The following ZNF804B variants were observed in gnomAD, a reference collection of about 807,000 sequenced individuals.
ZNF804B encodes zinc finger protein 804B, also known as zinc finger 804B.
In ZNF804B, 80 loss-of-function variants were observed where a neutral mutation model predicts 101.4. That is an observed-to-expected ratio of 0.79 (90% CI 0.66 to 0.95). The LOEUF is 0.95. Ranked by LOEUF, ZNF804B falls within the 40% of genes least tolerant of loss-of-function variation. ZNF804B has a pLI of 0.00. For synonymous variants in ZNF804B, 622 were observed against 558.8 expected (o/e 1.11, Z -1.59); for missense variants, 1,673 against 1,561.9 (o/e 1.07, Z -1.20).
intron 1 of ZNF804B, among the ~76,000 whole-genome samples, chr7:89,212,794 A>G (rs1285585051): frequency 1.3e-5 from 2 of 152,130 alleles, no homozygotes; most frequent in African/African-American, 2.4e-5. Flanking sequence ...TAACTTTTCA[A>G]ACCTTCTCCT....
intron 2 of ZNF804B, among the ~76,000 whole-genome samples, chr7:89,277,497 C>G (rs1584099581): frequency 1.5e-5 from 1 of 67,320 alleles, no homozygotes; most frequent in Non-Finnish European, 3.2e-5. Context: ...CCCCCCTCCC[C>G]CCTACCCCCA....
chr7:88,760,695 CT>C (rs1586891477), intron 1 of ZNF804B, among the ~76,000 whole-genome samples: 1 of 151,620 alleles, frequency 6.6e-6, no homozygotes, highest in Non-Finnish European at 1.5e-5. Context: ...AACGTGATTG[CT>C]TTTTAACTTA....
intron 1 of ZNF804B, among the ~76,000 whole-genome samples, chr7:88,895,238 A>G (rs1197026654): frequency 6.6e-6 from 1 of 152,230 alleles, no homozygotes; most frequent in African/African-American, 2.4e-5. Flanking sequence ...TTATGAAATC[A>G]CTATACTTGT....
intron 2 of ZNF804B, among the ~76,000 whole-genome samples, chr7:89,290,146 C>G (rs567111612): frequency 3.4e-4 from 51 of 152,184 alleles, no homozygotes; most frequent in African/African-American, 1.2e-3. Flanking sequence ...AAGGGAGGAA[C>G]CAGTTTCAGG....
At chr7:88,953,272 C>A (rs1333946382) in intron 1 of ZNF804B, among the ~76,000 whole-genome samples, 1 of 151,688 alleles carries the variant, frequency 6.6e-6, no homozygotes, top group Non-Finnish European at 1.5e-5. Flanking sequence ...TGAAACATGT[C>A]AAACTCATTC....
chr7:88,945,639 A>G (rs1793117662), intron 1 of ZNF804B, among the ~76,000 whole-genome samples: 2 of 151,402 alleles, frequency 1.3e-5, no homozygotes, highest in South Asian at 2.1e-4. Flanking sequence ...AGTCAATGGT[A>G]GCTTGATGGG....
At chr7:88,963,486 C>A (rs1793416422) in intron 1 of ZNF804B, among the ~76,000 whole-genome samples, 1 of 151,266 alleles carries the variant, frequency 6.6e-6, no homozygotes, top group Non-Finnish European at 1.5e-5. Flanking sequence ...GAAGTTGAAT[C>A]CTTTACCTTA....
chr7:88,943,071 A>G (rs571800408), intron 1 of ZNF804B, among the ~76,000 whole-genome samples: 68 of 152,046 alleles, frequency 4.5e-4, no homozygotes, highest in Admixed American at 1.8e-3. Context: ...AACCACAATC[A>G]GAAAACCCCT....
At chr7:88,792,991 A>C (rs928159323) in intron 1 of ZNF804B, among the ~76,000 whole-genome samples, 7 of 151,996 alleles carry the variant, frequency 4.6e-5, no homozygotes, top group Non-Finnish European at 8.8e-5. Flanking sequence ...ATTTTCTTCA[A>C]ATGAAAAATT....
At chr7:89,082,582 A>T (rs939559707) in intron 1 of ZNF804B, among the ~76,000 whole-genome samples, 3 of 151,808 alleles carry the variant, frequency 2.0e-5, no homozygotes, top group Non-Finnish European at 4.4e-5. Flanking sequence ...TAATAAAACT[A>T]GTAACTCTTC....
intron 1 of ZNF804B, among the ~76,000 whole-genome samples, chr7:89,149,119 T>C (rs1790833333): frequency 6.6e-6 from 1 of 152,138 alleles, no homozygotes; most frequent in African/African-American, 2.4e-5. Flanking sequence ...CCCCATGGCA[T>C]GAACCTTTCA....
chr7:88,972,942 T>C (rs1196587973), intron 1 of ZNF804B, among the ~76,000 whole-genome samples: 1 of 151,478 alleles, frequency 6.6e-6, no homozygotes, highest in Non-Finnish European at 1.5e-5. Context: ...TAGTATGGGA[T>C]TCTGCCCTCT....
intron 1 of ZNF804B, among the ~76,000 whole-genome samples, chr7:89,183,482 A>C (rs1392230858): frequency 6.6e-6 from 1 of 152,186 alleles, no homozygotes; most frequent in African/African-American, 2.4e-5. Context: ...GATATTAAAA[A>C]GTCTGCAAAA....
At chr7:89,084,806 A>G (rs1191121792) in intron 1 of ZNF804B, among the ~76,000 whole-genome samples, 4 of 151,956 alleles carry the variant, frequency 2.6e-5, no homozygotes, top group African/African-American at 9.7e-5. Flanking sequence ...AATAATTACT[A>G]TTTATATGAT....
chr7:89,030,988 A>C (rs1788822824), intron 1 of ZNF804B, among the ~76,000 whole-genome samples: 1 of 151,820 alleles, frequency 6.6e-6, no homozygotes, highest in African/African-American at 2.4e-5. Context: ...GTTTTCCCTT[A>C]AAAACCCTGC....
chr7:88,769,294 T>A (rs1354633391), intron 1 of ZNF804B, among the ~76,000 whole-genome samples: 2 of 152,236 alleles, frequency 1.3e-5, no homozygotes, highest in Non-Finnish European at 2.9e-5. Flanking sequence ...AGTTATAATT[T>A]TTTAGAATGC....
intron 1 of ZNF804B, among the ~76,000 whole-genome samples, chr7:89,173,587 A>G (rs1195819218): frequency 4.6e-5 from 7 of 152,098 alleles, no homozygotes; most frequent in Non-Finnish European, 7.4e-5. Flanking sequence ...CTAAAATAGA[A>G]TACTGTATCA....
At chr7:89,007,444 T>TTTTA (rs1366131512) in intron 1 of ZNF804B, among the ~76,000 whole-genome samples, 1 of 47,712 alleles carries the variant, frequency 2.1e-5, no homozygotes, top group African/African-American at 1.0e-4. Flanking sequence ...TTATCCATGA[T>TTTTA]TTTATATATA....
chr7:89,135,536 A>G (rs1469845163), intron 1 of ZNF804B, among the ~76,000 whole-genome samples: 1 of 152,062 alleles, frequency 6.6e-6, no homozygotes, highest in Non-Finnish European at 1.5e-5. Flanking sequence ...GCTATTTCCT[A>G]TCACTTTACA....
Sources: allele counts gnomAD v4.1 joint callset (sites outside exome capture counted in the v4.1 genomes callset), GRCh38; gene constraint gnomAD v4.1.1; transcripts MANE v1.5; gene names NCBI Gene and HGNC (gene_info 2026-07-23, HGNC 2026-07-21).